Variants in GPATCH2 observed in about 807,000 individuals in gnomAD.
GPATCH2 encodes the protein G patch domain-containing protein 2.
GPATCH2 carries 51 observed loss-of-function variants against 58.0 expected under a neutral mutation model. The ratio of observed to expected loss-of-function variants is 0.88; its 90% CI spans 0.70 to 1.11. GPATCH2 has a LOEUF of 1.11. Ranked by LOEUF, GPATCH2 falls within the 50% of genes most tolerant of loss-of-function variation. The pLI, the probability that GPATCH2 is intolerant of heterozygous loss-of-function variation, is 0.00. For missense variants in GPATCH2, 625 were observed against 652.2 expected (o/e 0.96, Z 0.45); for synonymous variants, 222 against 218.5 (o/e 1.02, Z -0.14).
chr1:217,525,850 AT>A, intron 5 of GPATCH2, among the ~76,000 whole-genome samples: 1 of 152,310 alleles, frequency 6.6e-6, no homozygotes, highest in Non-Finnish European at 1.5e-5. Context: ...CATTTTAAAA[AT>A]TTATTTAAGA....
At chr1:217,560,068 C>T (rs114146594) in intron 5 of GPATCH2, among the ~76,000 whole-genome samples, 1,641 of 152,230 alleles carry the variant, frequency 0.011, 32 homozygotes, top group African/African-American at 0.037. Flanking sequence ...AGGATGGTCT[C>T]GATCTCCTGA....
At chr1:217,610,031 TC>T (rs1668548697) in intron 5 of GPATCH2, 1 of 1,432,512 alleles carries the variant, frequency 7.0e-7, no homozygotes, top group Admixed American at 3.1e-5. Flanking sequence ...AACAGCCCCA[TC>T]TTTTCATCAA....
intron 5 of GPATCH2, among the ~76,000 whole-genome samples, chr1:217,573,460 G>T (rs17666266): frequency 6.6e-6 from 1 of 152,026 alleles, no homozygotes; most frequent in African/African-American, 2.4e-5. Flanking sequence ...ATTGGGAAGA[G>T]GTGTTAAGTT....
intron 5 of GPATCH2, among the ~76,000 whole-genome samples, chr1:217,585,698 A>G (rs1343279503): frequency 1.3e-5 from 2 of 152,210 alleles, no homozygotes; most frequent in Non-Finnish European, 2.9e-5. Flanking sequence ...AGAGACTCAC[A>G]AGATTGCTTA....
intron 8 of GPATCH2, among the ~76,000 whole-genome samples, chr1:217,482,363 C>T (rs1332586552): frequency 5.9e-5 from 9 of 152,106 alleles, no homozygotes. Context: ...GGAGAGGGGA[C>T]AGGGTATGAT....
At chr1:217,622,115 T>C (rs1475057270) in intron 1 of GPATCH2, among the ~76,000 whole-genome samples, 1 of 152,196 alleles carries the variant, frequency 6.6e-6, no homozygotes, top group East Asian at 1.9e-4. Context: ...TTATGATTAA[T>C]TTAGCACCAG....
chr1:217,508,860 A>AT (rs1402333459), intron 6 of GPATCH2, among the ~76,000 whole-genome samples: 1 of 152,108 alleles, frequency 6.6e-6, no homozygotes, highest in Non-Finnish European at 1.5e-5. Context: ...TCTGTGCTAC[A>AT]TATTTCTGAT....
Position 217,583,185 on chromosome 1 carries a change from C to G in GPATCH2, c.1098+27136G>C, listed in dbSNP as rs1268207344. Among the ~76,000 whole-genome samples, 7 of 151,900 alleles carry G rather than the reference C, an allele frequency of 4.6e-5. 1 individual carries two copies. The highest frequency in any genetic ancestry group is 1.5e-4 in the African/African-American group (6 of 41,352). Reference sequence around the variant, plus strand: ...CGAAGATATTACCTGTAATGTGGCACACACAAAAAAACAATGAAATGAAAA... The same window carrying G: ...CGAAGATATTACCTGTAATGTGGCAGACACAAAAAAACAATGAAATGAAAA... On this transcript the variant is annotated intron_variant, in intron 5 of 9. Coordinates refer to ENST00000366935, the MANE Select transcript of GPATCH2 (RefSeq NM_018040.5).
chr1:217,466,452 T>C (rs1660453037), intron 8 of GPATCH2, among the ~76,000 whole-genome samples: 1 of 152,132 alleles, frequency 6.6e-6, no homozygotes, highest in African/African-American at 2.4e-5. Flanking sequence ...CTCAAACTCC[T>C]GGGCTCAAGC....
At chr1:217,575,017 T>C (rs1666742016) in intron 5 of GPATCH2, among the ~76,000 whole-genome samples, 1 of 152,224 alleles carries the variant, frequency 6.6e-6, no homozygotes, top group African/African-American at 2.4e-5. Context: ...TGATTTTTCT[T>C]GGTCTGAGAA....
At chr1:217,552,804 G>T (rs562632606) in intron 5 of GPATCH2, among the ~76,000 whole-genome samples, 1 of 152,258 alleles carries the variant, frequency 6.6e-6, no homozygotes, top group South Asian at 2.1e-4. Flanking sequence ...AAATCTGCAT[G>T]AGTCTAGTGC....
At chr1:217,603,381 A>G (rs2102797119) in intron 5 of GPATCH2, among the ~76,000 whole-genome samples, 1 of 152,334 alleles carries the variant, frequency 6.6e-6, no homozygotes, top group Non-Finnish European at 1.5e-5. Context: ...TATAATACAC[A>G]TTAAAATACT....
chr1:217,491,067 A>C (rs1377505474), intron 8 of GPATCH2, among the ~76,000 whole-genome samples: 1 of 152,240 alleles, frequency 6.6e-6, no homozygotes, highest in Non-Finnish European at 1.5e-5. Context: ...TAAGAATAAA[A>C]TAAATGTAAA....
At chr1:217,508,588 C>T (rs936979689) in intron 6 of GPATCH2, among the ~76,000 whole-genome samples, 3 of 152,076 alleles carry the variant, frequency 2.0e-5, no homozygotes, top group African/African-American at 7.2e-5. Flanking sequence ...GAACCATGTA[C>T]AGAGTACATA....
At chr1:217,463,691 T>C (rs1419907498) in intron 8 of GPATCH2, among the ~76,000 whole-genome samples, 2 of 144,642 alleles carry the variant, frequency 1.4e-5, no homozygotes, top group Non-Finnish European at 3.0e-5. Context: ...CATAGTGATG[T>C]GTACCTTAGT....
intron 5 of GPATCH2, among the ~76,000 whole-genome samples, chr1:217,546,965 A>C (rs1665085170): frequency 6.6e-6 from 1 of 152,186 alleles, no homozygotes; most frequent in Non-Finnish European, 1.5e-5. Flanking sequence ...AAAGACATAC[A>C]TGCAGCCAAC....
At chr1:217,607,300 C>T (rs532487552) in intron 5 of GPATCH2, among the ~76,000 whole-genome samples, 2 of 152,272 alleles carry the variant, frequency 1.3e-5, no homozygotes, top group East Asian at 1.9e-4. Context: ...GACTTTCTTC[C>T]TACTCGTTTA....
intron 1 of GPATCH2, among the ~76,000 whole-genome samples, chr1:217,621,731 G>C (rs1047295998): frequency 6.6e-6 from 1 of 152,124 alleles, no homozygotes; most frequent in Non-Finnish European, 1.5e-5. Flanking sequence ...TCAGGCTTTT[G>C]CAAGTTCCTT....
At chr1:217,472,554 G>A (rs548431643) in intron 8 of GPATCH2, among the ~76,000 whole-genome samples, 2 of 152,022 alleles carry the variant, frequency 1.3e-5, no homozygotes, top group East Asian at 1.9e-4. Context: ...TGCTCACCTC[G>A]GCCTCCTAAA....
Sources: allele counts gnomAD v4.1 joint callset (sites outside exome capture counted in the v4.1 genomes callset), GRCh38; gene constraint gnomAD v4.1.1; transcripts MANE v1.5; gene names NCBI Gene and HGNC (gene_info 2026-07-23, HGNC 2026-07-21).